The following CUX2 variants were observed in gnomAD, a reference collection of about 807,000 sequenced individuals.
CUX2 encodes the protein cut like homeobox 2, also known as homeobox protein cut-like 2.
CUX2 carries 40 observed loss-of-function variants against 144.8 expected under a neutral mutation model. That is an observed-to-expected ratio of 0.28 (90% CI 0.21 to 0.36). CUX2 has a LOEUF of 0.36. CUX2 is among the 10% of genes least tolerant of loss of function. The probability of loss-of-function intolerance (pLI) is 1.00; values close to 1 mark genes in which losing one functional copy is unlikely to be tolerated. For synonymous variants in CUX2, 827 were observed against 875.6 expected (o/e 0.94, Z 0.98); for missense variants, 1,615 against 1,994.0 (o/e 0.81, Z 3.62).
rs1884241356 is a variant in CUX2 at position 111,263,641 on chromosome 12, A to G, written c.223-120A>G. 2 of 850,316 alleles carry G rather than the reference A, an allele frequency of 2.4e-6. No homozygotes were observed. The highest frequency in any genetic ancestry group is 3.9e-6 in the Non-Finnish European group (2 of 512,112). The allele number at this position is 850,316 out of a possible 1,614,324, so 52.7% of individuals were successfully genotyped here. ...CTCTCTCTCAAAAACAAAACAAAACAAAACAAAACAAAACAAAAAACCTGC... is the reference window on the plus strand; with the variant it reads ...CTCTCTCTCAAAAACAAAACAAAACGAAACAAAACAAAACAAAAAACCTGC... On this transcript the variant is annotated intron_variant, in intron 3 of 21. Transcript: ENST00000261726. The surrounding 1 kb of genome is among the most constrained non-coding windows in gnomAD (Gnocchi z 4.0).
chr12:111,201,941 C>G (rs1399807692), intron 1 of CUX2, among the ~76,000 whole-genome samples: 1 of 152,148 alleles, frequency 6.6e-6, no homozygotes, highest in African/African-American at 2.4e-5. Flanking sequence ...CTCTCAGGGA[C>G]TCGTTTTCCC....
chr12:111,214,848 G>A (rs984630150), intron 2 of CUX2, among the ~76,000 whole-genome samples: 4 of 152,064 alleles, frequency 2.6e-5, no homozygotes, highest in Non-Finnish European at 4.4e-5. Context: ...GGGGGACAGA[G>A]AATGACCAGC....
At chr12:111,130,759 A>G (rs1339529347) in intron 1 of CUX2, among the ~76,000 whole-genome samples, 1 of 152,226 alleles carries the variant, frequency 6.6e-6, no homozygotes, top group Non-Finnish European at 1.5e-5. Flanking sequence ...AAACCAAGGC[A>G]GTTTTGGCAT....
At position 111,186,797 on chromosome 12, in the gene CUX2, G is replaced by A. The variant is rs1328062946; in HGVS notation, c.64-27403G>A. On this transcript the variant is annotated intron_variant, in intron 1 of 21. Transcript: ENST00000261726. The surrounding 1 kb of genome is among the most constrained non-coding windows in gnomAD (Gnocchi z 4.4). ...ATGTGTGTATGTTTTTTTTTTTTTT[G>A]AGACAGAATTTCACCGCATCACCCA... is the stretch of plus-strand genomic sequence containing the variant. 1.8e-5 allele frequency among the ~76,000 whole-genome samples: 2 copies of A among 112,780 alleles called. No individual in the cohort carries two copies. The highest frequency in any genetic ancestry group is 3.6e-5 in the Non-Finnish European group (2 of 55,606). 74.0% of individuals were successfully genotyped at this position (112,780 alleles called of 152,430 possible).
intron 1 of CUX2, among the ~76,000 whole-genome samples, chr12:111,110,915 G>A (rs74613434): frequency 0.028 from 4,199 of 152,268 alleles, 85 homozygotes; most frequent in Non-Finnish European, 0.041. Context: ...CTGTTCTTAC[G>A]AATTGGGAAA....
chr12:111,165,120 A>T (rs1038503545), intron 1 of CUX2, among the ~76,000 whole-genome samples: 1 of 152,200 alleles, frequency 6.6e-6, no homozygotes, highest in Non-Finnish European at 1.5e-5. Flanking sequence ...TACTTTGTAG[A>T]TGCTGTCAGA....
chr12:111,103,806 G>A (rs1173303609), intron 1 of CUX2, among the ~76,000 whole-genome samples: 2 of 152,310 alleles, frequency 1.3e-5, no homozygotes, highest in Non-Finnish European at 2.9e-5. Context: ...CTGCTCAAAT[G>A]GTGTTATCTC....
intron 1 of CUX2, among the ~76,000 whole-genome samples, chr12:111,130,846 C>T (rs747335318): frequency 6.6e-6 from 1 of 152,236 alleles, no homozygotes; most frequent in African/African-American, 2.4e-5. Context: ...AGAACCCTTT[C>T]TAACTCCCAG....
At chr12:111,071,826 A>C (rs1214059081) in intron 1 of CUX2, among the ~76,000 whole-genome samples, 1 of 152,192 alleles carries the variant, frequency 6.6e-6, no homozygotes, top group Non-Finnish European at 1.5e-5. Context: ...TATTTTTGGC[A>C]TGTGGCTGTC....
chr12:111,343,943 C>T (rs1009460327), intron 21 of CUX2, among the ~76,000 whole-genome samples: 6 of 152,220 alleles, frequency 3.9e-5, no homozygotes, highest in African/African-American at 1.4e-4. Context: ...ATTCCAGCTA[C>T]TCAGGAGGCT....
rs895303574 is a variant in CUX2, at chr12:111,161,706, A to G, written c.64-52494A>G. Among the ~76,000 whole-genome samples the G allele has an allele frequency of 3.3e-5, 5 of 152,248 alleles. No individual in the cohort carries two copies. In the East Asian group the frequency reaches 9.7e-4, roughly 29 times the overall value. ...CCCGTTCTCTTAGCTCTCACACTCT[A>G]TGCTGAGTGTCGCTGGATGCCATTT... On this transcript the variant is annotated intron_variant, in intron 1 of 21. Transcript: ENST00000261726.
chr12:111,283,626 A>T (rs1176937635), intron 4 of CUX2, among the ~76,000 whole-genome samples: 1 of 152,050 alleles, frequency 6.6e-6, no homozygotes, highest in East Asian at 1.9e-4. Context: ...ACGCTAAGTG[A>T]CTTTCCCTGG....
At position 111,043,532 on chromosome 12, in the gene CUX2, G is replaced by A. The variant is rs186224369; in HGVS notation, c.63+9292G>A. 7.8e-4 allele frequency among the ~76,000 whole-genome samples: 119 copies of A among 152,338 alleles called. 2 individuals carry two copies. Among genetic ancestry groups the A allele is most frequent in the African/African-American group, 2.6e-3 (107 of 41,592 alleles). On this transcript the variant is annotated intron_variant, in intron 1 of 21. Coordinates refer to ENST00000261726, the MANE Select transcript of CUX2 (RefSeq NM_015267.4). ...GGATATAATACGACACTGCATGGTGGCCGGGTGCGGTGGCTCATGCCTGTA... is the reference window on the plus strand; with the variant it reads ...GGATATAATACGACACTGCATGGTGACCGGGTGCGGTGGCTCATGCCTGTA...
intron 1 of CUX2, among the ~76,000 whole-genome samples, chr12:111,155,971 A>C (rs1877347281): frequency 1.3e-5 from 2 of 152,238 alleles, no homozygotes; most frequent in Non-Finnish European, 1.5e-5. Flanking sequence ...ATAACAAGCA[A>C]ACCCGCTCAC....
intron 4 of CUX2, among the ~76,000 whole-genome samples, chr12:111,282,289 T>C (rs945367552): frequency 6.9e-6 from 1 of 144,420 alleles, no homozygotes; most frequent in Non-Finnish European, 1.5e-5. Context: ...GCCACTGCAC[T>C]CCAGCCTGGG....
chr12:111,341,142 C>T (rs534146956), intron 20 of CUX2, among the ~76,000 whole-genome samples: 17 of 152,234 alleles, frequency 1.1e-4, no homozygotes, highest in African/African-American at 1.9e-4. Context: ...CTCTACAAAA[C>T]GATGAACCAG....
At chr12:111,241,278 G>T (rs2074913981) in intron 3 of CUX2, among the ~76,000 whole-genome samples, 1 of 152,122 alleles carries the variant, frequency 6.6e-6, no homozygotes, top group African/African-American at 2.4e-5. Context: ...ATTCATGAGA[G>T]ATCCACCCCC....
chr12:111,166,555 C>T (rs1878155767), intron 1 of CUX2, among the ~76,000 whole-genome samples: 1 of 152,244 alleles, frequency 6.6e-6, no homozygotes, highest in Non-Finnish European at 1.5e-5. Context: ...GTATGAACCC[C>T]ATGTTGTGAA....
Position 111,039,511 on chromosome 12 carries a change from C to T in CUX2, c.63+5271C>T, listed in dbSNP as rs1443308867. Among the ~76,000 whole-genome samples, 2 of 152,142 alleles carry T rather than the reference C, an allele frequency of 1.3e-5. No homozygotes were observed. Among genetic ancestry groups the T allele is most frequent in the Non-Finnish European group, 2.9e-5 (2 of 68,032 alleles). ...CGAGTTATTGTAAAGGTGAAGGATG[C>T]TGACACCTTTGTGGGTCACTTAAAT... On this transcript the variant is annotated intron_variant, in intron 1 of 21. Transcript: ENST00000261726. The surrounding 1 kb of genome is among the most constrained non-coding windows in gnomAD (Gnocchi z 4.2).
Sources: allele counts gnomAD v4.1 joint callset (sites outside exome capture counted in the v4.1 genomes callset), GRCh38; gene constraint gnomAD v4.1.1; non-coding constraint Gnocchi (gnomAD v3.1); transcripts MANE v1.5; gene names NCBI Gene and HGNC (gene_info 2026-07-23, HGNC 2026-07-21).